The following TNFRSF10B variants were observed in gnomAD, a reference collection of about 807,000 sequenced individuals.
TNFRSF10B encodes the protein tumor necrosis factor receptor superfamily member 10B.
Under a neutral mutation model 41.4 loss-of-function variants are expected in TNFRSF10B, and 35 were observed. The ratio of observed to expected loss-of-function variants is 0.85; its 90% CI spans 0.65 to 1.12. The LOEUF (loss-of-function observed/expected upper bound fraction) is 1.12, where lower values mean the gene tolerates loss of function less well. Among genes scored for constraint, TNFRSF10B ranks in the 50% most tolerant of loss-of-function variants. The probability of loss-of-function intolerance (pLI) is 0.00; values close to 1 mark genes in which losing one functional copy is unlikely to be tolerated. For missense variants in TNFRSF10B, 584 were observed against 552.7 expected (o/e 1.06, Z -0.57); for synonymous variants, 230 against 215.5 (o/e 1.07, Z -0.59).
intron 8 of TNFRSF10B, among the ~76,000 whole-genome samples, chr8:23,023,380 C>T (rs570728937): frequency 1.3e-5 from 2 of 152,290 alleles, no homozygotes; most frequent in Admixed American, 6.5e-5. Context: ...GGTCCCAGGG[C>T]GGCCACTTCT....
chr8:23,047,109 A>G (rs1235700814), intron 1 of TNFRSF10B, among the ~76,000 whole-genome samples: 1 of 152,226 alleles, frequency 6.6e-6, no homozygotes, highest in East Asian at 1.9e-4. Flanking sequence ...GACAAATGGA[A>G]TTATATCAAC....
chr8:23,050,155 C>T (rs1030173784), intron 1 of TNFRSF10B, among the ~76,000 whole-genome samples: 2 of 152,210 alleles, frequency 1.3e-5, no homozygotes, highest in Non-Finnish European at 2.9e-5. Context: ...GCCATTTATC[C>T]GGTACTGCCA....
At chr8:23,066,474 A>G (rs753605410) in intron 1 of TNFRSF10B, among the ~76,000 whole-genome samples, 2 of 152,192 alleles carry the variant, frequency 1.3e-5, no homozygotes, top group African/African-American at 4.8e-5. Flanking sequence ...GAAACATAGA[A>G]AATGATGGGG....
chr8:23,032,685 C>A (rs1270211675), intron 2 of TNFRSF10B, among the ~76,000 whole-genome samples: 1 of 152,130 alleles, frequency 6.6e-6, no homozygotes, highest in Non-Finnish European at 1.5e-5. Flanking sequence ...AAATTTCTTA[C>A]AGCAATGTTT....
chr8:23,041,617 A>C (rs1056060151), intron 2 of TNFRSF10B, among the ~76,000 whole-genome samples: 36 of 152,162 alleles, frequency 2.4e-4, no homozygotes, highest in Admixed American at 5.9e-4. Context: ...AAAAAAAAAA[A>C]AAAAAACCTA....
At chr8:23,029,458 A>T in intron 4 of TNFRSF10B, 152 bp downstream of exon 4, 3 of 731,168 alleles carry the variant, frequency 4.1e-6, no homozygotes, top group South Asian at 3.0e-5. Context: ...TGCAGGGGGC[A>T]GGGGTGGTGA....
intron 1 of TNFRSF10B, among the ~76,000 whole-genome samples, chr8:23,055,333 T>C (rs1812633522): frequency 6.6e-6 from 1 of 152,020 alleles, no homozygotes. Flanking sequence ...CTCTCTCAGC[T>C]GAAAGTAGCC....
At chr8:23,029,995 G>C (rs1724663384) in intron 3 of TNFRSF10B, among the ~76,000 whole-genome samples, 1 of 152,220 alleles carries the variant, frequency 6.6e-6, no homozygotes, top group Non-Finnish European at 1.5e-5. Flanking sequence ...CGTTTAGATT[G>C]CATGGCCAGT....
At chr8:23,043,693 G>GA (rs975340899) in intron 1 of TNFRSF10B, among the ~76,000 whole-genome samples, 6 of 152,134 alleles carry the variant, frequency 3.9e-5, no homozygotes, top group Admixed American at 3.9e-4. Context: ...AAAAAATTGG[G>GA]ATACAGGATC....
In TNFRSF10B at chr8:23,028,427, C is replaced by G. The variant is rs1380815614; in HGVS notation, c.652G>C (p.Val218Leu). The change falls in exon 5 of 9, where the codon GTC becomes CTC. Residue 218 changes from valine (V) to leucine (L), a missense_variant. By Grantham distance (32) the Val-to-Leu change is conservative. Coordinates refer to ENST00000276431, the MANE Select transcript of TNFRSF10B (RefSeq NM_003842.5). ...PCSLSGIIIG[V>L]TVAAVVLIVA... Reference sequence around the variant, plus strand: ...ATCAAGACTACGGCTGCAACTGTGACTCCTATGATGATGCCTGAGAGAGAA... The same window carrying G: ...ATCAAGACTACGGCTGCAACTGTGAGTCCTATGATGATGCCTGAGAGAGAA... 2 of 1,614,202 alleles carry G rather than the reference C, an allele frequency of 1.2e-6. No homozygotes were observed. The highest frequency in any genetic ancestry group is 3.3e-5 in the Admixed American group (2 of 60,030).
At chr8:23,066,445 AC>A (rs1812981775) in intron 1 of TNFRSF10B, among the ~76,000 whole-genome samples, 1 of 152,214 alleles carries the variant, frequency 6.6e-6, no homozygotes, top group Non-Finnish European at 1.5e-5. Context: ...AAGAGCCCTC[AC>A]AGGGAAATGT....
At chr8:23,031,046 C>T (rs1029895864) in intron 2 of TNFRSF10B, among the ~76,000 whole-genome samples, 174 bp from the exon 3 acceptor site, 2 of 152,122 alleles carry the variant, frequency 1.3e-5, no homozygotes, top group African/African-American at 2.4e-5. Context: ...ACCAGCACTG[C>T]CAAAAGAAAT....
chr8:23,028,704 G>T, intron 4 of TNFRSF10B, 102 bp from the exon 5 acceptor site: 1 of 1,423,436 alleles, frequency 7.0e-7, no homozygotes, highest in African/African-American at 1.4e-5. Flanking sequence ...CTGAGAAGGT[G>T]TCAGGGGAAG....
At chr8:23,050,003 C>T (rs1045318339) in intron 1 of TNFRSF10B, 1 of 151,678 alleles carries the variant, frequency 6.6e-6, no homozygotes. Flanking sequence ...CCAGGGGACC[C>T]TCCAGAGGGC....
intron 7 of TNFRSF10B, among the ~76,000 whole-genome samples, chr8:23,025,565 ATAAT>A (rs1811677603): frequency 6.6e-6 from 1 of 152,256 alleles, no homozygotes; most frequent in Non-Finnish European, 1.5e-5. Flanking sequence ...TGTACATGAT[ATAAT>A]CCTTTTCATG....
Position 23,020,811 on chromosome 8 carries a change from G to C in TNFRSF10B, c.*1860C>G. On this transcript the variant is annotated 3_prime_UTR_variant, in exon 9 of 9. Coordinates refer to ENST00000276431, the MANE Select transcript of TNFRSF10B (RefSeq NM_003842.5). ...ACCTGGGACCGGACTGGCACCTTCT[G>C]AGCCCTGAGGCTGAGCGTCCTGCAC... 2.2e-6 allele frequency: 1 copy of C among 454,146 alleles called. No homozygotes were observed. Among genetic ancestry groups the C allele is most frequent in the South Asian group, 1.6e-5 (1 of 64,476 alleles). 28.1% of individuals were successfully genotyped at this position (454,146 alleles called of 1,614,324 possible). A position where few individuals can be genotyped will look rare whatever the true frequency, so the allele number is the denominator to read the frequency against.
intron 6 of TNFRSF10B, 44 bp from the exon 7 acceptor site, chr8:23,027,332 C>T (rs959958930): frequency 3.1e-6 from 5 of 1,612,452 alleles, no homozygotes; most frequent in Non-Finnish European, 3.4e-6. Flanking sequence ...CTCAGGAGTC[C>T]ACACCTAGGG....
chr8:23,037,062 A>G (rs1477493670), intron 2 of TNFRSF10B, among the ~76,000 whole-genome samples: 1 of 152,226 alleles, frequency 6.6e-6, no homozygotes, highest in East Asian at 1.9e-4. Context: ...TAAAAAAACC[A>G]TGAAGATATT....
At chr8:23,046,051 C>A (rs1812349638) in intron 1 of TNFRSF10B, among the ~76,000 whole-genome samples, 1 of 152,174 alleles carries the variant, frequency 6.6e-6, no homozygotes, top group South Asian at 2.1e-4. Flanking sequence ...ACTCTCACCA[C>A]CTCTTTTCAA....
Sources: gnomAD v4.1 joint callset for allele counts (sites outside exome capture counted in the v4.1 genomes callset) on GRCh38, gnomAD v4.1.1 for gene constraint, MANE v1.5 for transcripts, NCBI Gene and HGNC (gene_info 2026-07-23, HGNC 2026-07-21) for gene names.